The following PEX13 variants were observed in gnomAD, a reference collection of about 807,000 sequenced individuals.
PEX13 encodes peroxisome biogenesis factor 13.
PEX13 carries 28 observed loss-of-function variants against 34.5 expected under a neutral mutation model. The ratio of observed to expected loss-of-function variants is 0.81; its 90% CI spans 0.60 to 1.11. PEX13 has a LOEUF of 1.11. PEX13 is among the 50% of genes most tolerant of loss of function. The pLI is 0.00. For synonymous variants in PEX13, 177 were observed against 175.1 expected (o/e 1.01, Z -0.09); for missense variants, 550 against 491.0 (o/e 1.12, Z -1.13).
At chr2:61,027,119 TG>T (rs1469101007) in intron 1 of PEX13, among the ~76,000 whole-genome samples, 2 of 149,808 alleles carry the variant, frequency 1.3e-5, no homozygotes, top group African/African-American at 4.9e-5. Flanking sequence ...GCCCAGGAGT[TG>T]GAAACCAGCC....
In PEX13 at chr2:61,048,644, A is replaced by G. The variant is rs1283804690; in HGVS notation, c.1086A>G (p.Lys362=). ...QQSFTNPTLT[K]GATVADSLDE... ...CTTTTACCAACCCAACACTAACTAA[A>G]GGAGCCACGGTTGCTGATTCTTTGG... is the stretch of plus-strand genomic sequence containing the variant. The change falls in exon 4 of 4, where the codon AAA becomes AAG. Residue 362 remains lysine (K), a synonymous_variant. Coordinates refer to ENST00000295030, the MANE Select transcript of PEX13 (RefSeq NM_002618.4). 1 of 1,614,092 alleles carries G rather than the reference A, an allele frequency of 6.2e-7. No individual in the cohort carries two copies. The highest frequency in any genetic ancestry group is 1.3e-5 in the African/African-American group (1 of 75,044).
intron 2 of PEX13, among the ~76,000 whole-genome samples, chr2:61,041,227 G>A (rs1680621848): frequency 6.6e-6 from 1 of 152,166 alleles, no homozygotes; most frequent in Admixed American, 6.6e-5. Flanking sequence ...TACTTGGGAG[G>A]CTGAGATGGG....
intron 1 of PEX13, among the ~76,000 whole-genome samples, chr2:61,019,233 A>G (rs1174829378): frequency 6.6e-6 from 1 of 151,962 alleles, no homozygotes; most frequent in Non-Finnish European, 1.5e-5. Flanking sequence ...ACATGTTACT[A>G]TTTATATATT....
intron 3 of PEX13, among the ~76,000 whole-genome samples, chr2:61,046,621 T>C (rs1271989893): frequency 6.6e-6 from 1 of 152,198 alleles, no homozygotes; most frequent in Non-Finnish European, 1.5e-5. Flanking sequence ...AGTGGTACTA[T>C]TATTATCCTG....
At chr2:61,023,803 G>C (rs1042245859) in intron 1 of PEX13, among the ~76,000 whole-genome samples, 1 of 130,830 alleles carries the variant, frequency 7.6e-6, no homozygotes, top group Non-Finnish European at 1.6e-5. Flanking sequence ...TTGTTTGTTT[G>C]TTTGTTTGTT....
chr2:61,048,504 G>A lies in PEX13; in HGVS notation c.946G>A (p.Ala316Thr). Residue 316 changes from alanine to threonine, a missense_variant, in exon 4 of 4, where the codon GCT (alanine) becomes ACT (threonine). Physicochemically the swap from Ala to Thr is moderately conservative, Grantham distance 58. Transcript: ENST00000295030. ...QQPKVRGWLL[A>T]SLDGQTTGLI... is the part of the protein sequence containing the mutation. The stretch of plus-strand genomic sequence containing the variant: ...ACCCAAAGTGCGTGGTTGGCTTCTG[G>A]CTAGCCTTGATGGCCAAACAACAGG... The A allele has an allele frequency of 6.2e-7, 1 of 1,613,994 alleles. No homozygotes were observed. Among genetic ancestry groups the A allele is most frequent in the Non-Finnish European group, 8.5e-7 (1 of 1,179,994 alleles).
intron 1 of PEX13, among the ~76,000 whole-genome samples, chr2:61,030,421 C>A (rs1253080229): frequency 1.3e-5 from 2 of 152,114 alleles, no homozygotes; most frequent in Non-Finnish European, 2.9e-5. Context: ...AAACAGTTGT[C>A]TTTATCAAAG....
chr2:61,031,041 G>A (rs964024192), intron 1 of PEX13, among the ~76,000 whole-genome samples: 1 of 152,156 alleles, frequency 6.6e-6, no homozygotes, highest in African/African-American at 2.4e-5. Context: ...TGTAATCCCA[G>A]CACTTTAGGA....
intron 2 of PEX13, among the ~76,000 whole-genome samples, chr2:61,034,492 G>A (rs545141995): frequency 3.2e-4 from 49 of 152,254 alleles, no homozygotes; most frequent in Non-Finnish European, 6.5e-4. Context: ...GCGAGCTGAA[G>A]CAGGGCAGGG....
At chr2:61,038,679 C>T (rs372180050) in intron 2 of PEX13, among the ~76,000 whole-genome samples, 20 of 152,230 alleles carry the variant, frequency 1.3e-4, no homozygotes, top group African/African-American at 4.8e-4. Flanking sequence ...GGAAGCATTC[C>T]CTTTGAAAAC....
At chr2:61,046,460 T>C (rs981991709) in intron 3 of PEX13, among the ~76,000 whole-genome samples, 1 of 152,212 alleles carries the variant, frequency 6.6e-6, no homozygotes, top group African/African-American at 2.4e-5. Flanking sequence ...TTTTTAAATA[T>C]GTGTATTTAT....
Position 61,031,748 on chromosome 2 carries a change from C to G in PEX13, c.422C>G (p.Ala141Gly). The G allele has an allele frequency of 6.2e-7, 1 of 1,614,060 alleles. No homozygotes were observed. Among genetic ancestry groups the G allele is most frequent in the Non-Finnish European group, 8.5e-7 (1 of 1,179,906 alleles). Residue 141 changes from alanine (A) to glycine (G), a missense_variant, in exon 2 of 4, where the codon GCC becomes GGC. Coordinates refer to ENST00000295030, the MANE Select transcript of PEX13 (RefSeq NM_002618.4). ...ATTGAAAGTATTGTGCATGCATTTGCCTCTGTCAGTATGATGATGGATGCT... is the reference window on the plus strand; with the variant it reads ...ATTGAAAGTATTGTGCATGCATTTGGCTCTGTCAGTATGATGATGGATGCT... ...QSIESIVHAFASVSMMMDATF... is the reference protein window; with the variant it reads ...QSIESIVHAFGSVSMMMDATF...
chr2:61,041,858 A>G (rs185352754), intron 2 of PEX13, among the ~76,000 whole-genome samples: 36 of 152,336 alleles, frequency 2.4e-4, no homozygotes, highest in African/African-American at 8.7e-4. Flanking sequence ...CTACTATAGG[A>G]AGTAAGAGAG....
At chr2:61,036,516 A>G (rs767458687) in intron 2 of PEX13, among the ~76,000 whole-genome samples, 1 of 152,224 alleles carries the variant, frequency 6.6e-6, no homozygotes, top group Non-Finnish European at 1.5e-5. Flanking sequence ...TCTCATATCC[A>G]GCCAAACTAA....
At chr2:61,032,761 A>T (rs1680473444) in intron 2 of PEX13, among the ~76,000 whole-genome samples, 1 of 152,250 alleles carries the variant, frequency 6.6e-6, no homozygotes, top group Non-Finnish European at 1.5e-5. Context: ...TTACTGTGGT[A>T]TCCAGGAAGA....
At chr2:61,047,810 A>G (rs1159650367) in intron 3 of PEX13, among the ~76,000 whole-genome samples, 1 of 152,236 alleles carries the variant, frequency 6.6e-6, no homozygotes, top group African/African-American at 2.4e-5. Context: ...ATGTTGAACT[A>G]AAATTGTAAC....
Position 61,017,866 on chromosome 2 carries a change from C to A in PEX13, c.92+15C>A. 1 of 1,549,592 alleles carries A rather than the reference C, an allele frequency of 6.5e-7. No individual in the cohort carries two copies. Among genetic ancestry groups the A allele is most frequent in the South Asian group, 1.2e-5 (1 of 84,004 alleles). Reference sequence around the variant, plus strand: ...CCCACTTTCCAGTGAGTGTGGGATTCTTCAGGCTGTGAGTTTAGTGGGCCC... The same window carrying A: ...CCCACTTTCCAGTGAGTGTGGGATTATTCAGGCTGTGAGTTTAGTGGGCCC... On this transcript the variant is annotated intron_variant, in intron 1 of 3. Transcript: ENST00000295030.
At chr2:61,020,153 G>A (rs1369427272) in intron 1 of PEX13, among the ~76,000 whole-genome samples, 3 of 152,248 alleles carry the variant, frequency 2.0e-5, no homozygotes, top group East Asian at 3.9e-4. Context: ...GTGAACCCAC[G>A]AGGCGGAGCT....
chr2:61,018,010 GT>G lies in PEX13; in HGVS notation c.92+160del, dbSNP rs980391907. The G allele has an allele frequency of 2.9e-5, 39 of 1,364,612 alleles. No homozygotes were observed. In the African/African-American group the frequency reaches 5.2e-4, roughly 18 times the overall value. The allele number at this position is 1,364,612 out of a possible 1,614,324, so 84.5% of individuals were successfully genotyped here. A position where few individuals can be genotyped will look rare whatever the true frequency, so the allele number is the denominator to read the frequency against. On this transcript the variant is annotated intron_variant, in intron 1 of 3. Coordinates refer to ENST00000295030, the MANE Select transcript of PEX13 (RefSeq NM_002618.4). ...CGAGGTGGAGCTGGGGCGCTTACCA[GT>G]GGGGACTTTAGTGTCTCACAGCTGT...
Sources: gnomAD v4.1 joint callset for allele counts (sites outside exome capture counted in the v4.1 genomes callset) on GRCh38, gnomAD v4.1.1 for gene constraint, MANE v1.5 for transcripts, NCBI Gene and HGNC (gene_info 2026-07-23, HGNC 2026-07-21) for gene names.